Variants in MAPK8 observed in about 807,000 individuals in gnomAD.
MAPK8 encodes the protein JUN N-terminal kinase.
Under a neutral mutation model 52.9 loss-of-function variants are expected in MAPK8, and 13 were observed. The ratio of observed to expected loss-of-function variants is 0.25; its 90% CI spans 0.16 to 0.39. MAPK8 has a LOEUF of 0.39. Among genes scored for constraint, MAPK8 ranks in the 10% least tolerant of loss-of-function variants. The probability of loss-of-function intolerance (pLI) is 1.00; values close to 1 mark genes in which losing one functional copy is unlikely to be tolerated. For synonymous variants in MAPK8, 191 were observed against 169.8 expected (o/e 1.12, Z -0.97); for missense variants, 300 against 519.2 (o/e 0.58, Z 4.10).
At chr10:48,329,569 GTGA>G (rs1256657942) in intron 1 of MAPK8, among the ~76,000 whole-genome samples, 4 of 152,010 alleles carry the variant, frequency 2.6e-5, no homozygotes, top group African/African-American at 7.3e-5. Flanking sequence ...AGTGTAGTCA[GTGA>G]TGATATAAGA....
chr10:48,322,676 A>G (rs1316482057), intron 1 of MAPK8, among the ~76,000 whole-genome samples: 3 of 151,818 alleles, frequency 2.0e-5, no homozygotes, highest in Non-Finnish European at 4.4e-5. Context: ...TCCAATATTT[A>G]ATCCTCTCTA....
At chr10:48,307,935 A>G (rs1328283276) in intron 1 of MAPK8, among the ~76,000 whole-genome samples, 5 of 152,198 alleles carry the variant, frequency 3.3e-5, no homozygotes, top group Non-Finnish European at 7.3e-5. Flanking sequence ...CCTTTAAATG[A>G]GACAGTTACA....
At chr10:48,352,587 T>C (rs1025210750) in intron 1 of MAPK8, among the ~76,000 whole-genome samples, 1 of 152,164 alleles carries the variant, frequency 6.6e-6, no homozygotes, top group Admixed American at 6.6e-5. Flanking sequence ...TGATTAAAAC[T>C]CTTAGAAAAC....
intron 1 of MAPK8, among the ~76,000 whole-genome samples, chr10:48,344,849 A>G (rs1342742794): frequency 9.9e-5 from 15 of 152,218 alleles, no homozygotes; most frequent in Non-Finnish European, 1.5e-5. Context: ...GGAATTCTAG[A>G]TAAGATTGTG....
intron 1 of MAPK8, among the ~76,000 whole-genome samples, chr10:48,334,810 G>A (rs1034787931): frequency 2.6e-5 from 4 of 152,160 alleles, no homozygotes; most frequent in African/African-American, 9.7e-5. Flanking sequence ...TGGCAGTCTT[G>A]CAAGATCTAG....
rs557934499 is a variant in MAPK8 at position 48,327,067 on chromosome 10, T to C, written c.-50+20246T>C. On this transcript the variant is annotated intron_variant, in intron 1 of 11. Coordinates refer to ENST00000374189, the MANE Select transcript of MAPK8 (RefSeq NM_001323329.2). The stretch of plus-strand genomic sequence containing the variant: ...CCGTCTGCATGCCTTTTCTTCCCTT[T>C]TATTGTCTTATTGCAGTATTTAGGA... Among the ~76,000 whole-genome samples, 8 of 152,306 alleles carry C rather than the reference T, an allele frequency of 5.3e-5. No individual in the cohort carries two copies. In the South Asian group the frequency reaches 1.5e-3, roughly 28 times the overall value.
At chr10:48,409,675 C>G (rs2042646931) in intron 3 of MAPK8, among the ~76,000 whole-genome samples, 1 of 152,200 alleles carries the variant, frequency 6.6e-6, no homozygotes, top group Non-Finnish European at 1.5e-5. Flanking sequence ...TACAGATACT[C>G]TGTGCCTCCA....
chr10:48,419,890 A>G (rs900759023), intron 5 of MAPK8, among the ~76,000 whole-genome samples: 2 of 152,198 alleles, frequency 1.3e-5, no homozygotes, highest in Admixed American at 1.3e-4. Flanking sequence ...CTTTTACTCT[A>G]ACCAAAAATG....
chr10:48,379,160 A>G (rs564234626), intron 1 of MAPK8, among the ~76,000 whole-genome samples: 1 of 152,330 alleles, frequency 6.6e-6, no homozygotes, highest in South Asian at 2.1e-4. Flanking sequence ...TGTGCCTGTA[A>G]TACTTTCACA....
chr10:48,395,512 C>A (rs912633040), intron 1 of MAPK8, among the ~76,000 whole-genome samples: 1 of 151,874 alleles, frequency 6.6e-6, no homozygotes, highest in African/African-American at 2.4e-5. Context: ...CATACAGAAC[C>A]AAACTGTGAA....
At chr10:48,381,910 C>T (rs1385438978) in intron 1 of MAPK8, among the ~76,000 whole-genome samples, 1 of 152,146 alleles carries the variant, frequency 6.6e-6, no homozygotes, top group African/African-American at 2.4e-5. Context: ...CGCAACTACC[C>T]ACGTGGCACC....
At chr10:48,313,955 C>T (rs61840550) in intron 1 of MAPK8, among the ~76,000 whole-genome samples, 6,948 of 152,126 alleles carry the variant, frequency 0.046, 182 homozygotes, top group African/African-American at 0.072. Context: ...AGCCACCGCA[C>T]GTGGCCTGCT....
intron 1 of MAPK8, among the ~76,000 whole-genome samples, chr10:48,362,190 C>T (rs980795386): frequency 2.0e-5 from 3 of 152,094 alleles, no homozygotes; most frequent in Non-Finnish European, 2.9e-5. Context: ...TGCCTCTGTT[C>T]TTTCCTCTCA....
intron 1 of MAPK8, among the ~76,000 whole-genome samples, chr10:48,395,426 A>G (rs1168649179): frequency 6.6e-6 from 1 of 152,032 alleles, no homozygotes. Flanking sequence ...CTTTTTAACA[A>G]ATGATTTTTG....
chr10:48,406,906 C>T (rs1051706396), intron 3 of MAPK8, among the ~76,000 whole-genome samples: 10 of 152,234 alleles, frequency 6.6e-5, no homozygotes, highest in African/African-American at 2.2e-4. Context: ...CATGTCATCT[C>T]TTAACTGTAG....
rs905936237 is a variant in MAPK8 at position 48,350,045 on chromosome 10, T to C, written c.-50+43224T>C. Among the ~76,000 whole-genome samples, 80 of 152,084 alleles carry C rather than the reference T, an allele frequency of 5.3e-4. 2 individuals are homozygous for C. The highest frequency in any genetic ancestry group is 1.3e-4 in the Non-Finnish European group (9 of 68,004). On this transcript the variant is annotated intron_variant, in intron 1 of 11. Coordinates refer to ENST00000374189, the MANE Select transcript of MAPK8 (RefSeq NM_001323329.2). ...AAATGGGGAAATTCCTGGACACATA[T>C]AGCCTCCCAAGACTAAACCAGGAAA...
At chr10:48,328,490 C>T (rs1455384490) in intron 1 of MAPK8, among the ~76,000 whole-genome samples, 2 of 152,138 alleles carry the variant, frequency 1.3e-5, no homozygotes, top group African/African-American at 4.8e-5. Context: ...TGAATGCTTC[C>T]TTGCTTTCTG....
intron 1 of MAPK8, among the ~76,000 whole-genome samples, chr10:48,323,158 TGG>T (rs1210778841): frequency 6.6e-6 from 1 of 152,064 alleles, no homozygotes; most frequent in Non-Finnish European, 1.5e-5. Context: ...GGAGGGAAAA[TGG>T]CAGAGAAAAC....
chr10:48,326,507 G>A (rs1291145504), intron 1 of MAPK8, among the ~76,000 whole-genome samples: 1 of 152,100 alleles, frequency 6.6e-6, no homozygotes, highest in Non-Finnish European at 1.5e-5. Flanking sequence ...CCTTTAATTA[G>A]AAAATGGTAT....
Sources: allele counts gnomAD v4.1 joint callset (sites outside exome capture counted in the v4.1 genomes callset), GRCh38; gene constraint gnomAD v4.1.1; transcripts MANE v1.5; gene names NCBI Gene and HGNC (gene_info 2026-07-23, HGNC 2026-07-21).